The following PNPT1 variants were observed in gnomAD, a reference collection of about 807,000 sequenced individuals.
PNPT1 encodes polyribonucleotide nucleotidyltransferase 1.
In PNPT1, 53 loss-of-function variants were observed where a neutral mutation model predicts 119.5. The ratio of observed to expected loss-of-function variants is 0.44; its 90% CI spans 0.36 to 0.56. The LOEUF (loss-of-function observed/expected upper bound fraction) is 0.56. Among genes scored for constraint, PNPT1 ranks in the 20% least tolerant of loss-of-function variants. The pLI is 0.00. For synonymous variants in PNPT1, 357 were observed against 322.1 expected, an observed-to-expected ratio of 1.11 and a Z score of -1.16; for missense variants, 948 against 938.5, an observed-to-expected ratio of 1.01 and a Z score of -0.13.
intron 27 of PNPT1, 23 bp downstream of exon 27, chr2:55,637,529 G>A (rs753593568): frequency 6.3e-6 from 10 of 1,576,090 alleles, no homozygotes; most frequent in South Asian, 3.3e-5. Flanking sequence ...CAACTTCAAG[G>A]CTAAAAGGTG....
chr2:55,637,370 G>A (rs1432805251), intron 27 of PNPT1, among the ~76,000 whole-genome samples, 182 bp downstream of exon 27: 5 of 152,166 alleles, frequency 3.3e-5, no homozygotes, highest in African/African-American at 2.4e-5. Flanking sequence ...CTCCTTGAGG[G>A]AAAGAATTGT....
chr2:55,680,373 A>AAGTTACAT (rs1267601419), intron 7 of PNPT1, among the ~76,000 whole-genome samples: 1 of 151,718 alleles, frequency 6.6e-6, no homozygotes, highest in Non-Finnish European at 1.5e-5. Context: ...TAACAGCCGT[A>AAGTTACAT]AGTTACATTA....
chr2:55,658,721 T>C (rs1696468795), intron 15 of PNPT1, among the ~76,000 whole-genome samples: 2 of 152,210 alleles, frequency 1.3e-5, no homozygotes, highest in Admixed American at 1.3e-4. Flanking sequence ...AATTCCTTTC[T>C]GGCTTCTGTA....
rs761063550 is a variant in PNPT1, at chr2:55,680,871, G to C, written c.501C>G (p.Val167=). 1 of 1,613,888 alleles carries C rather than the reference G, an allele frequency of 6.2e-7. No individual in the cohort carries two copies. The highest frequency in any genetic ancestry group is 1.1e-5 in the South Asian group (1 of 91,070). ...LAVDGVNEPD[V]LAINGASVAL... is the part of the protein sequence containing the mutation. ...TATACTTACCGCCATTAATTGCTAG[G>C]ACATCAGGCTCATTTACACCATCTA... The change falls in exon 6 of 28, where the codon GTC becomes GTG. Residue 167 remains valine, a synonymous_variant. Transcript: ENST00000447944.
chr2:55,667,949 G>A lies in PNPT1; in HGVS notation c.986C>T (p.Pro329Leu). The A allele has an allele frequency of 6.3e-7, 1 of 1,576,572 alleles. No homozygotes were observed. The highest frequency in any genetic ancestry group is 8.5e-7 in the Non-Finnish European group (1 of 1,170,348). Residue 329 changes from proline (P) to leucine (L), a missense_variant, in exon 12 of 28, where the codon CCA becomes CTA. By Grantham distance (98) the Pro-to-Leu change is moderately conservative. Transcript: ENST00000447944. ...TATTATTTCATATGGATCGGCTTCT[G>A]GAAATTTTTCTATAGAAAAAAGACA... The part of the protein sequence containing the change: ...DTEEQLKEKF[P>L]EADPYEIIES...
chr2:55,667,829 T>C (rs745851637), intron 12 of PNPT1, 33 bp downstream of exon 12: 2 of 1,587,828 alleles, frequency 1.3e-6, no homozygotes, highest in East Asian at 2.3e-5. Context: ...AGACAGTGCA[T>C]ACTTCAATTT....
chr2:55,635,217 C>T lies in PNPT1; in HGVS notation c.*1020G>A, dbSNP rs1313134356. 1 of 152,118 alleles carries T rather than the reference C, an allele frequency of 6.6e-6. No homozygotes were observed. 9.4% of individuals were successfully genotyped at this position (152,118 alleles called of 1,614,324 possible). A position where few individuals can be genotyped will look rare whatever the true frequency, so the allele number is the denominator to read the frequency against. Reference sequence around the variant, plus strand: ...AACATCTATTTCAAACATCTATTAACCGAAAGTCATGATCCTTCAGCTCTT... The same window carrying T: ...AACATCTATTTCAAACATCTATTAATCGAAAGTCATGATCCTTCAGCTCTT... On this transcript the variant is annotated 3_prime_UTR_variant, in exon 28 of 28. Transcript: ENST00000447944.
intron 5 of PNPT1, 24 bp downstream of exon 5, chr2:55,683,761 T>A (rs200991272): frequency 6.3e-7 from 1 of 1,596,282 alleles, no homozygotes; most frequent in South Asian, 1.1e-5. Flanking sequence ...ATCTGGCAAC[T>A]AAAAAACCTA....
At chr2:55,655,050 T>C (rs1431656658) in intron 17 of PNPT1, 97 bp from the exon 18 acceptor site, 10 of 1,155,068 alleles carry the variant, frequency 8.7e-6, no homozygotes, top group Non-Finnish European at 1.3e-5. Flanking sequence ...TCAGTTACAA[T>C]ACAAATATTC....
chr2:55,663,407 C>G (rs1385850427), intron 13 of PNPT1, among the ~76,000 whole-genome samples: 1 of 152,026 alleles, frequency 6.6e-6, no homozygotes, highest in South Asian at 2.1e-4. Context: ...AACATATGTG[C>G]AGTTGCAATT....
intron 1 of PNPT1, among the ~76,000 whole-genome samples, chr2:55,691,865 TATATATA>T (rs1697614674): frequency 2.7e-4 from 7 of 26,244 alleles, no homozygotes; most frequent in South Asian, 1.2e-3. Context: ...TATATATATA[TATATATA>T]TATATATTTT....
chr2:55,686,502 G>T, intron 2 of PNPT1, 58 bp from the exon 3 acceptor site: 1 of 1,295,596 alleles, frequency 7.7e-7, no homozygotes, highest in Non-Finnish European at 1.1e-6. Context: ...TAGCATCTAA[G>T]TAGCAACTGA....
At chr2:55,691,338 CAAT>C (rs962683908) in intron 1 of PNPT1, among the ~76,000 whole-genome samples, 1 of 152,138 alleles carries the variant, frequency 6.6e-6, no homozygotes, top group African/African-American at 2.4e-5. Context: ...AAAACACCTA[CAAT>C]AATTATATAA....
intron 6 of PNPT1, 22 bp from the exon 7 acceptor site, chr2:55,680,781 G>C: frequency 4.3e-6 from 7 of 1,613,282 alleles, no homozygotes; most frequent in South Asian, 1.1e-5. Flanking sequence ...AGAAAAATCA[G>C]GGCCGAAATT....
chr2:55,690,439 G>A (rs1161147045), intron 1 of PNPT1, among the ~76,000 whole-genome samples: 7 of 152,170 alleles, frequency 4.6e-5, no homozygotes. Flanking sequence ...CCAAACACAA[G>A]CATGTAGACA....
intron 3 of PNPT1, 86 bp downstream of exon 3, chr2:55,686,284 A>T (rs1697403092): frequency 8.9e-6 from 11 of 1,232,454 alleles, no homozygotes; most frequent in Non-Finnish European, 1.3e-5. Context: ...TGTATTTTCC[A>T]CTCACTAGAC....
At chr2:55,683,633 T>C in intron 5 of PNPT1, 152 bp downstream of exon 5, 1 of 564,598 alleles carries the variant, frequency 1.8e-6, no homozygotes, top group South Asian at 3.4e-5. Flanking sequence ...AAAAAAAAAG[T>C]ACTATCTTTT....
At chr2:55,655,127 G>C (rs990255961) in intron 17 of PNPT1, among the ~76,000 whole-genome samples, 174 bp from the exon 18 acceptor site, 1 of 151,930 alleles carries the variant, frequency 6.6e-6, no homozygotes. Context: ...GGGGCTGCAA[G>C]GTCCAATATG....
At chr2:55,646,135 C>G in intron 21 of PNPT1, 124 bp downstream of exon 21, 1 of 983,204 alleles carries the variant, frequency 1.0e-6, no homozygotes, top group Non-Finnish European at 1.5e-6. Context: ...GCCAGTACTT[C>G]TTGATCTAAG....
Sources: gnomAD v4.1 joint callset for allele counts (sites outside exome capture counted in the v4.1 genomes callset) on GRCh38, gnomAD v4.1.1 for gene constraint, MANE v1.5 for transcripts, NCBI Gene and HGNC (gene_info 2026-07-23, HGNC 2026-07-21) for gene names.